The following RGL1 variants were observed in gnomAD, a reference collection of about 807,000 sequenced individuals.
RGL1 encodes the protein ral guanine nucleotide dissociation stimulator like 1.
Under a neutral mutation model 95.2 loss-of-function variants are expected in RGL1, and 24 were observed. That is an observed-to-expected ratio of 0.25 (90% CI 0.18 to 0.35). RGL1 has a LOEUF of 0.35. Ranked by LOEUF, RGL1 falls within the 10% of genes least tolerant of loss-of-function variation. The pLI is 1.00. For missense variants in RGL1, 715 were observed against 936.3 expected, an observed-to-expected ratio of 0.76 and a Z score of 3.08; for synonymous variants, 329 against 344.9, an observed-to-expected ratio of 0.95 and a Z score of 0.51.
At chr1:183,647,228 A>C (rs1372404673) in intron 1 of RGL1, 3 of 153,946 alleles carry the variant, frequency 1.9e-5, no homozygotes, top group Non-Finnish European at 4.3e-5. Context: ...ATTAACAATT[A>C]ATAGAAAATC....
chr1:183,840,033 T>A (rs561586047), intron 2 of RGL1, among the ~76,000 whole-genome samples: 1 of 152,234 alleles, frequency 6.6e-6, no homozygotes, highest in Admixed American at 6.5e-5. Context: ...TGTGGAAATG[T>A]GATTGGATGA....
intron 1 of RGL1, among the ~76,000 whole-genome samples, chr1:183,717,974 C>T (rs1435599314): frequency 5.9e-5 from 9 of 152,060 alleles, no homozygotes; most frequent in East Asian, 3.9e-4. Context: ...TGGCTGGGTG[C>T]GGTGGCTCAC....
intron 2 of RGL1, among the ~76,000 whole-genome samples, chr1:183,827,746 C>T (rs927989895): frequency 3.9e-5 from 6 of 152,196 alleles, no homozygotes; most frequent in Non-Finnish European, 7.3e-5. Flanking sequence ...ACGTTGGATA[C>T]AATAGCTGTG....
intron 2 of RGL1, among the ~76,000 whole-genome samples, chr1:183,765,157 T>C (rs1256034257): frequency 2.6e-5 from 4 of 152,216 alleles, no homozygotes; most frequent in African/African-American, 9.6e-5. Flanking sequence ...AGACAAGGTA[T>C]GAGGCATCTT....
chr1:183,876,224 A>G (rs950569030), intron 4 of RGL1, among the ~76,000 whole-genome samples: 1 of 152,266 alleles, frequency 6.6e-6, no homozygotes, highest in Non-Finnish European at 1.5e-5. Flanking sequence ...CTCAACAAAT[A>G]TTAGTTTAAT....
chr1:183,855,944 C>T (rs980786282), intron 3 of RGL1, among the ~76,000 whole-genome samples: 15 of 152,254 alleles, frequency 9.9e-5, no homozygotes, highest in East Asian at 3.9e-4. Context: ...AGGGCCAAAT[C>T]GAAATTAGCA....
At chr1:183,827,164 C>T (rs1662923045) in intron 2 of RGL1, among the ~76,000 whole-genome samples, 1 of 152,216 alleles carries the variant, frequency 6.6e-6, no homozygotes, top group South Asian at 2.1e-4. Flanking sequence ...CTCAAGTGAT[C>T]CACCTGCCTC....
At chr1:183,790,945 A>ACAG (rs1660416150) in intron 2 of RGL1, among the ~76,000 whole-genome samples, 3 of 107,552 alleles carry the variant, frequency 2.8e-5, no homozygotes, top group South Asian at 3.2e-4. Context: ...CACACACACA[A>ACAG]TCTCTGGAGG....
chr1:183,820,074 A>G (rs1662361820), intron 2 of RGL1, among the ~76,000 whole-genome samples: 1 of 152,144 alleles, frequency 6.6e-6, no homozygotes, highest in South Asian at 2.1e-4. Flanking sequence ...GGCGTGAGCC[A>G]CCATGACTAG....
intron 4 of RGL1, among the ~76,000 whole-genome samples, chr1:183,867,246 C>G (rs1665894152): frequency 6.6e-6 from 1 of 152,076 alleles, no homozygotes; most frequent in South Asian, 2.1e-4. Flanking sequence ...GAGAGAAGAT[C>G]CAGAGACTGA....
At chr1:183,841,483 T>C (rs1220024136) in intron 2 of RGL1, among the ~76,000 whole-genome samples, 1 of 152,224 alleles carries the variant, frequency 6.6e-6, no homozygotes, top group Non-Finnish European at 1.5e-5. Flanking sequence ...TAAGTTTTGT[T>C]AAGTTTGCCA....
intron 3 of RGL1, among the ~76,000 whole-genome samples, chr1:183,855,705 G>T (rs1440971679): frequency 6.6e-6 from 1 of 152,162 alleles, no homozygotes; most frequent in African/African-American, 2.4e-5. Context: ...CGCCTCTAGG[G>T]TCACCAGCAT....
chr1:183,813,693 G>A (rs573277206), intron 2 of RGL1, among the ~76,000 whole-genome samples: 1 of 152,276 alleles, frequency 6.6e-6, no homozygotes, highest in South Asian at 2.1e-4. Context: ...ATGGTTAGGT[G>A]TCCTGGTCTT....
intron 2 of RGL1, among the ~76,000 whole-genome samples, chr1:183,835,361 A>G (rs1306268406): frequency 6.6e-6 from 1 of 152,242 alleles, no homozygotes; most frequent in Non-Finnish European, 1.5e-5. Flanking sequence ...TCTTTTGACT[A>G]GAGAGTAGAT....
intron 1 of RGL1, among the ~76,000 whole-genome samples, chr1:183,655,282 G>A (rs1232361488): frequency 1.3e-5 from 2 of 152,214 alleles, no homozygotes. Flanking sequence ...TGGCTTGTGT[G>A]TTGCTAGTTA....
chr1:183,765,527 A>G (rs1176444968), intron 2 of RGL1, among the ~76,000 whole-genome samples: 1 of 152,218 alleles, frequency 6.6e-6, no homozygotes, highest in Non-Finnish European at 1.5e-5. Context: ...AGAGCCATGA[A>G]AATTATTTCA....
chr1:183,813,815 T>C (rs1403031203), intron 2 of RGL1, among the ~76,000 whole-genome samples: 1 of 152,174 alleles, frequency 6.6e-6, no homozygotes, highest in African/African-American at 2.4e-5. Flanking sequence ...ACTCCTTGTA[T>C]AAAAGAAAAA....
At chr1:183,691,427 G>A (rs186534586) in intron 1 of RGL1, among the ~76,000 whole-genome samples, 47 of 152,308 alleles carry the variant, frequency 3.1e-4, no homozygotes, top group Non-Finnish European at 6.0e-4. Flanking sequence ...TAAGGAGGAA[G>A]GAAAGAGATC....
intron 2 of RGL1, among the ~76,000 whole-genome samples, chr1:183,824,310 T>C (rs143708660): frequency 5.3e-4 from 81 of 152,288 alleles, no homozygotes; most frequent in Middle Eastern, 3.4e-3. Flanking sequence ...CTTCTCCTTT[T>C]AGTGTCCTTC....
Sources: allele counts gnomAD v4.1 joint callset (sites outside exome capture counted in the v4.1 genomes callset), GRCh38; gene constraint gnomAD v4.1.1; transcripts MANE v1.5; gene names NCBI Gene and HGNC (gene_info 2026-07-23, HGNC 2026-07-21).